Variants in AUH observed in about 807,000 individuals in gnomAD.
AUH encodes the protein methylglutaconyl-CoA hydratase, mitochondrial.
In AUH, 29 loss-of-function variants were observed where a neutral mutation model predicts 42.3. The ratio of observed to expected loss-of-function variants is 0.69; its 90% CI spans 0.51 to 0.93. The LOEUF (loss-of-function observed/expected upper bound fraction) is 0.93. Among genes scored for constraint, AUH ranks in the 40% least tolerant of loss-of-function variants. The pLI is 0.00. For missense variants in AUH, 452 were observed against 438.1 expected, an observed-to-expected ratio of 1.03 and a Z score of -0.28; for synonymous variants, 174 against 166.4, an observed-to-expected ratio of 1.05 and a Z score of -0.35.
At chr9:91,228,928 T>A (rs1358085201) in intron 6 of AUH, among the ~76,000 whole-genome samples, 8 of 152,308 alleles carry the variant, frequency 5.3e-5, no homozygotes, top group African/African-American at 1.4e-4. Flanking sequence ...ACAGTTTGTT[T>A]TAATTTCTGT....
intron 1 of AUH, among the ~76,000 whole-genome samples, chr9:91,358,563 C>T (rs1421698205): frequency 1.3e-5 from 2 of 152,154 alleles, no homozygotes; most frequent in Admixed American, 6.5e-5. Flanking sequence ...GTATTAGAAT[C>T]GAATGATATG....
intron 4 of AUH, among the ~76,000 whole-genome samples, chr9:91,320,632 G>T (rs1467793153): frequency 6.6e-6 from 1 of 152,202 alleles, no homozygotes; most frequent in Admixed American, 6.5e-5. Flanking sequence ...TTCATAAATC[G>T]TTCACTGGTC....
At chr9:91,224,811 T>A (rs1384184901) in intron 6 of AUH, among the ~76,000 whole-genome samples, 3 of 152,204 alleles carry the variant, frequency 2.0e-5, no homozygotes, top group Non-Finnish European at 4.4e-5. Flanking sequence ...TATTTTTACA[T>A]GTGTGAAACT....
chr9:91,327,626 G>A (rs757688271), intron 3 of AUH, among the ~76,000 whole-genome samples: 2 of 152,122 alleles, frequency 1.3e-5, no homozygotes, highest in Non-Finnish European at 2.9e-5. Context: ...TCTTGGTCGC[G>A]GGACAAGGAC....
intron 4 of AUH, among the ~76,000 whole-genome samples, chr9:91,315,527 C>T (rs1829090912): frequency 6.6e-6 from 1 of 152,116 alleles, no homozygotes; most frequent in African/African-American, 2.4e-5. Flanking sequence ...AGCCACCTTG[C>T]AGGCTGTAAC....
chr9:91,249,763 G>C (rs1378109180), intron 6 of AUH, among the ~76,000 whole-genome samples: 2 of 152,150 alleles, frequency 1.3e-5, no homozygotes, highest in East Asian at 1.9e-4. Flanking sequence ...TATAATCCCA[G>C]TACTTGCAGA....
rs76294224 is a variant in AUH at position 91,344,513 on chromosome 9, A to G, written c.418+11370T>C. Among the ~76,000 whole-genome samples the G allele has an allele frequency of 8.1e-4, 124 of 152,338 alleles. 2 individuals are homozygous for G. In the East Asian group the frequency reaches 0.02, roughly 24 times the overall value. On this transcript the variant is annotated intron_variant, in intron 3 of 9. Coordinates refer to ENST00000375731, the MANE Select transcript of AUH (RefSeq NM_001698.3). ...TGGCTCAGAATAAATCTCTTCGAAT[A>G]TGTTACAGAATTTGACTTTTCAAAC...
chr9:91,259,983 A>G (rs1217321104), intron 6 of AUH, among the ~76,000 whole-genome samples: 1 of 152,052 alleles, frequency 6.6e-6, no homozygotes, highest in African/African-American at 2.4e-5. Flanking sequence ...TTGCTCTATC[A>G]ATTATGTAAT....
At chr9:91,334,756 C>T (rs990773581) in intron 3 of AUH, among the ~76,000 whole-genome samples, 2 of 152,152 alleles carry the variant, frequency 1.3e-5, no homozygotes, top group African/African-American at 4.8e-5. Context: ...TGAAATGCTT[C>T]ACAAAATTGT....
chr9:91,352,037 G>A (rs1370297584), intron 3 of AUH, among the ~76,000 whole-genome samples: 1 of 152,154 alleles, frequency 6.6e-6, no homozygotes, highest in African/African-American at 2.4e-5. Context: ...CACTTTGGGA[G>A]GCCTAGGCAG....
At chr9:91,220,357 A>G (rs1017954574) in intron 7 of AUH, among the ~76,000 whole-genome samples, 1 of 152,236 alleles carries the variant, frequency 6.6e-6, no homozygotes, top group African/African-American at 2.4e-5. Context: ...AGCCACTGCA[A>G]TGGAAGTCCA....
chr9:91,296,893 GC>G (rs1360698775), intron 5 of AUH, among the ~76,000 whole-genome samples: 1 of 152,210 alleles, frequency 6.6e-6, no homozygotes, highest in East Asian at 1.9e-4. Flanking sequence ...GTCTCCTTAT[GC>G]TGCCCAGGCT....
chr9:91,324,873 T>C (rs528007831), intron 4 of AUH, among the ~76,000 whole-genome samples: 1 of 151,832 alleles, frequency 6.6e-6, no homozygotes, highest in East Asian at 1.9e-4. Context: ...AAAAAAATGT[T>C]CATTAATGAA....
rs1219046395 is a variant in AUH, at chr9:91,357,548, AATCATTAATAATCATAAAT to A, written c.263-1412_263-1394del. On this transcript the variant is annotated intron_variant, in intron 1 of 9. Coordinates refer to ENST00000375731, the MANE Select transcript of AUH (RefSeq NM_001698.3). ...AAATACAAACATTAATAATCATAGA[AATCATTAATAATCATAAAT>A]ATCATTAATAATCCATTCAAACTGC... 20 of 901,654 alleles carry A rather than the reference AATCATTAATAATCATAAAT, an allele frequency of 2.2e-5. No homozygotes were observed. The South Asian group carries it at 3.6e-4, about 16-fold the overall frequency. The allele number at this position is 901,654 out of a possible 1,614,324, so 55.9% of individuals were successfully genotyped here.
At chr9:91,342,664 A>G (rs929808684) in intron 3 of AUH, 1 of 152,226 alleles carries the variant, frequency 6.6e-6, no homozygotes, top group African/African-American at 2.4e-5. Context: ...CTTTTTAAAA[A>G]ATGGAATTAG....
intron 6 of AUH, among the ~76,000 whole-genome samples, chr9:91,272,728 G>A (rs1041014973): frequency 1.3e-5 from 2 of 152,056 alleles, no homozygotes; most frequent in Non-Finnish European, 2.9e-5. Flanking sequence ...CTGGGGGTTT[G>A]TCTCTGTTTA....
chr9:91,314,347 G>A (rs1449204206), intron 4 of AUH, among the ~76,000 whole-genome samples: 2 of 151,666 alleles, frequency 1.3e-5, no homozygotes, highest in Middle Eastern at 3.2e-3. Context: ...AAACTTAGCC[G>A]GGCATGGTAG....
intron 6 of AUH, among the ~76,000 whole-genome samples, chr9:91,287,357 G>A (rs1826500641): frequency 6.6e-6 from 1 of 152,106 alleles, no homozygotes; most frequent in Non-Finnish European, 1.5e-5. Flanking sequence ...AAATACAAGA[G>A]ACAAAGGAGA....
At position 91,356,071 on chromosome 9, in the gene AUH, T is replaced by C. The variant is rs1832392889; in HGVS notation, c.330+17A>G. The C allele has an allele frequency of 1.9e-6, 3 of 1,609,834 alleles. No individual in the cohort carries two copies. Among genetic ancestry groups the C allele is most frequent in the Admixed American group, 1.7e-5 (1 of 59,952 alleles). On this transcript the variant is annotated intron_variant, in intron 2 of 9. Transcript: ENST00000375731. ...TATCTTAATATTAGAAGCAAACAGT[T>C]TAATCTTTACACTCACCATTTTTAT... is the stretch of plus-strand genomic sequence containing the variant.
Sources: allele counts gnomAD v4.1 joint callset (sites outside exome capture counted in the v4.1 genomes callset), GRCh38; gene constraint gnomAD v4.1.1; transcripts MANE v1.5; gene names NCBI Gene and HGNC (gene_info 2026-07-23, HGNC 2026-07-21).